SLC2A7: variants seen among roughly 807,000 people sequenced by gnomAD.
SLC2A7 encodes solute carrier family 2, facilitated glucose transporter member 7.
Under a neutral mutation model 50.5 loss-of-function variants are expected in SLC2A7, and 50 were observed. The ratio of observed to expected loss-of-function variants is 0.99; its 90% CI spans 0.79 to 1.25. The LOEUF is 1.25. Ranked by LOEUF, SLC2A7 falls within the 50% of genes most tolerant of loss-of-function variation. The pLI is 0.00. For missense variants in SLC2A7, 683 were observed against 679.1 expected (o/e 1.01, Z -0.06); for synonymous variants, 308 against 300.4 (o/e 1.03, Z -0.26).
chr1:9,025,142 T>G (rs1025903294), intron 1 of SLC2A7, 68 bp from the exon 2 acceptor site: 1 of 1,470,480 alleles, frequency 6.8e-7, no homozygotes, highest in African/African-American at 1.4e-5. Flanking sequence ...TGGCTGGGCC[T>G]CCACCTCCCT....
In SLC2A7 at chr1:9,011,730, ACTTCTTCTT is replaced by A. The variant is rs1430280505; in HGVS notation, c.1015-1495_1015-1487del. Among the ~76,000 whole-genome samples, 455 of 122,664 alleles carry A rather than the reference ACTTCTTCTT, an allele frequency of 3.7e-3. 2 individuals are homozygous for A. Among genetic ancestry groups the A allele is most frequent in the Non-Finnish European group, 6.5e-3 (376 of 58,268 alleles). The allele number at this position is 122,664 out of a possible 152,430, so 80.5% of individuals were successfully genotyped here. On this transcript the variant is annotated intron_variant, in intron 8 of 11. Coordinates refer to ENST00000400906, the MANE Select transcript of SLC2A7 (RefSeq NM_207420.3). ...CTTTCGACTTCTTCCTTCCTTTTCT[ACTTCTTCTT>A]CTTCTTCTTTTTTTTTTTTTTTTTT...
At chr1:9,018,112 A>G (rs915814031) in intron 5 of SLC2A7, 111 bp downstream of exon 5, 2 of 1,462,296 alleles carry the variant, frequency 1.4e-6, no homozygotes, top group African/African-American at 1.4e-5. Context: ...ACTGCCCAAC[A>G]CCTGACCCTA....
downstream of SLC2A7, among the ~76,000 whole-genome samples, chr1:8,998,128 G>A (rs1048643970): frequency 7.9e-5 from 12 of 152,200 alleles, no homozygotes; most frequent in African/African-American, 2.9e-4. Flanking sequence ...CTGAGGCCAG[G>A]CGTGGTGGCT....
At chr1:9,025,975 C>T (rs1371170289) in intron 1 of SLC2A7, among the ~76,000 whole-genome samples, 2 of 152,178 alleles carry the variant, frequency 1.3e-5, no homozygotes, top group East Asian at 1.9e-4. Context: ...GGGCAGGATT[C>T]GGGCATTCTT....
At chr1:9,017,415 CT>C (rs35083002) in intron 5 of SLC2A7, among the ~76,000 whole-genome samples, 152,175 of 152,368 alleles carry the variant, frequency 1, 75,991 homozygotes, top group Middle Eastern at 1. Context: ...AAAAGGCCCC[CT>C]ATTCTGCAGA....
the SLC2A7 span, among the ~76,000 whole-genome samples, chr1:8,995,955 A>G: frequency 6.6e-6 from 1 of 152,244 alleles, no homozygotes; most frequent in East Asian, 1.9e-4. Flanking sequence ...ATTTGCAGAG[A>G]CAAGGTCTCA....
chr1:9,006,555 A>G (rs997132536), intron 10 of SLC2A7, among the ~76,000 whole-genome samples: 6 of 152,196 alleles, frequency 3.9e-5, no homozygotes, highest in Middle Eastern at 3.2e-3. Flanking sequence ...CCAGGCCTAA[A>G]TCCCACTTCT....
At position 9,024,947 on chromosome 1, in the gene SLC2A7, G is replaced by GGCCCACCTTGTGCCCACCTTGT; in HGVS notation, c.150+7_150+28dup. The GGCCCACCTTGTGCCCACCTTGT allele has an allele frequency of 7.1e-4, 1,139 of 1,598,782 alleles. 8 individuals are homozygous for GGCCCACCTTGTGCCCACCTTGT. In the African/African-American group the frequency reaches 0.012, roughly 16 times the overall value. On this transcript the variant is annotated intron_variant, in intron 2 of 11. Coordinates refer to ENST00000400906, the MANE Select transcript of SLC2A7 (RefSeq NM_207420.3). ...CCACGACCCCGGTCAGCTGCTGCCC[G>GGCCCACCTTGTGCCCACCTTGT]GCCCACCTTGTGCCCACCTTGTGCC...
the SLC2A7 span, among the ~76,000 whole-genome samples, chr1:8,997,293 G>A: frequency 1.3e-5 from 2 of 151,964 alleles, no homozygotes; most frequent in African/African-American, 2.4e-5. Context: ...ATAACAGAGC[G>A]AGACCCTGTT....
intron 10 of SLC2A7, among the ~76,000 whole-genome samples, 161 bp from the exon 11 acceptor site, chr1:9,005,040 G>A (rs1351876285): frequency 6.6e-6 from 1 of 152,224 alleles, no homozygotes; most frequent in African/African-American, 2.4e-5. Flanking sequence ...AAACCAGGGC[G>A]TGATCAGAGC....
intron 8 of SLC2A7, among the ~76,000 whole-genome samples, chr1:9,011,083 C>T (rs61785785): frequency 0.037 from 5,654 of 152,326 alleles, 344 homozygotes; most frequent in African/African-American, 0.13. Flanking sequence ...CCTGTGGTCC[C>T]CGACCCTGAG....
chr1:9,009,699 C>A (rs909351310), intron 9 of SLC2A7, among the ~76,000 whole-genome samples: 1 of 152,188 alleles, frequency 6.6e-6, no homozygotes, highest in South Asian at 2.1e-4. Context: ...CTCAATGGGT[C>A]CTCCTGCCTT....
chr1:9,021,291 C>T (rs1456890741), intron 3 of SLC2A7, among the ~76,000 whole-genome samples: 7 of 152,076 alleles, frequency 4.6e-5, no homozygotes, highest in African/African-American at 7.2e-5. Flanking sequence ...ATTACTGGCG[C>T]GAGCCCCCGT....
Position 9,019,198 on chromosome 1 carries a change from GC to G in SLC2A7, c.436+10del. On this transcript the variant is annotated intron_variant, in intron 4 of 11. Transcript: ENST00000400906. ...CCCCCAAGGCTGAGCCGGAGCCTGG[GC>G]CCCAGGTACCTGCACAGACTCCCAG... 6.2e-7 allele frequency: 1 copy of G among 1,612,656 alleles called. No homozygotes were observed. The highest frequency in any genetic ancestry group is 8.5e-7 in the Non-Finnish European group (1 of 1,179,224).
At position 9,003,469 on chromosome 1, in the gene SLC2A7, A is replaced by C. The variant is rs1030977375; in HGVS notation, c.1370T>G (p.Leu457Arg). 11 of 1,614,126 alleles carry C rather than the reference A, an allele frequency of 6.8e-6. No homozygotes were observed. Among genetic ancestry groups the C allele is most frequent in the Non-Finnish European group, 9.3e-6 (11 of 1,180,058 alleles). The stretch of plus-strand genomic sequence containing the variant: ...AACCACGTAGATGTAAATCGCAGTG[A>C]GGAGGCAGATTCCGGCAAAGATGAT... ...SFIIFAGICL[L>R]TAIYIYVVIP... is the part of the protein sequence containing the mutation. Residue 457 changes from leucine to arginine, a missense_variant, in exon 12 of 12, where the codon CTC becomes CGC. Transcript: ENST00000400906.
intron 5 of SLC2A7, 142 bp downstream of exon 5, chr1:9,018,081 A>C (rs1485816055): frequency 1.8e-6 from 2 of 1,123,898 alleles, no homozygotes; most frequent in Non-Finnish European, 2.5e-6. Flanking sequence ...CGACCACGTC[A>C]CCCATCCCTT....
At chr1:9,013,267 T>C (rs992578797) in intron 8 of SLC2A7, among the ~76,000 whole-genome samples, 4 of 152,206 alleles carry the variant, frequency 2.6e-5, no homozygotes, top group East Asian at 1.9e-4. Context: ...TGACCTCAAG[T>C]GATCTGCTCG....
At chr1:9,005,959 C>T (rs1468548052) in intron 10 of SLC2A7, among the ~76,000 whole-genome samples, 3 of 152,156 alleles carry the variant, frequency 2.0e-5, no homozygotes, top group African/African-American at 4.8e-5. Context: ...AAGTGGACGC[C>T]GGCAGGGATG....
chr1:9,018,148 C>G (rs1640857287), intron 5 of SLC2A7, 75 bp downstream of exon 5: 3 of 1,591,106 alleles, frequency 1.9e-6, no homozygotes, highest in Non-Finnish European at 2.6e-6. Context: ...TCTCATCTGA[C>G]TCGATCCGTC....
Sources: gnomAD v4.1 joint callset for allele counts (sites outside exome capture counted in the v4.1 genomes callset) on GRCh38, gnomAD v4.1.1 for gene constraint, MANE v1.5 for transcripts, NCBI Gene and HGNC (gene_info 2026-07-23, HGNC 2026-07-21) for gene names.